Variants in EPSTI1 observed in about 807,000 individuals in gnomAD.
EPSTI1 encodes the protein epithelial-stromal interaction protein 1.
Under a neutral mutation model 49.9 loss-of-function variants are expected in EPSTI1, and 66 were observed. The ratio of observed to expected loss-of-function variants is 1.32; its 90% CI spans 1.08 to 1.62. EPSTI1 has a LOEUF of 1.62. EPSTI1 is among the 40% of genes most tolerant of loss of function. The probability of loss-of-function intolerance (pLI) is 0.00; values close to 1 mark genes in which losing one functional copy is unlikely to be tolerated. For synonymous variants in EPSTI1, 137 were observed against 130.7 expected (o/e 1.05, Z -0.33); for missense variants, 394 against 365.5 (o/e 1.08, Z -0.64).
At chr13:42,964,557 T>C (rs74061452) in intron 3 of EPSTI1, among the ~76,000 whole-genome samples, 2 of 152,304 alleles carry the variant, frequency 1.3e-5, no homozygotes, top group Middle Eastern at 3.4e-3. Flanking sequence ...ATTGCTTTTC[T>C]TCTTCTAACT....
At chr13:42,978,125 C>G (rs1171009087) in intron 1 of EPSTI1, among the ~76,000 whole-genome samples, 1 of 151,910 alleles carries the variant, frequency 6.6e-6, no homozygotes, top group Non-Finnish European at 1.5e-5. Flanking sequence ...TGCACTCCAG[C>G]CTGGGCCACA....
chr13:42,991,772 G>T (rs988348947), intron 1 of EPSTI1, among the ~76,000 whole-genome samples: 1 of 152,212 alleles, frequency 6.6e-6, no homozygotes, highest in Non-Finnish European at 1.5e-5. Flanking sequence ...AACCGGGCTG[G>T]TTATTTACCA....
intron 3 of EPSTI1, among the ~76,000 whole-genome samples, 183 bp downstream of exon 3, chr13:42,968,907 GAAAA>G (rs61506027): frequency 6.9e-5 from 8 of 115,144 alleles, no homozygotes; most frequent in African/African-American, 2.8e-4. Flanking sequence ...CAGAAAATCA[GAAAA>G]AAAAAAAAAT....
intron 2 of EPSTI1, chr13:42,969,905 T>C (rs2039725029): frequency 6.6e-6 from 1 of 152,268 alleles, no homozygotes; most frequent in Admixed American, 6.5e-5. Context: ...TAATCTCCTA[T>C]TAAGTATTTA....
intron 1 of EPSTI1, among the ~76,000 whole-genome samples, chr13:42,981,672 T>C (rs2153435691): frequency 6.6e-6 from 1 of 152,302 alleles, no homozygotes; most frequent in African/African-American, 2.4e-5. Context: ...CAAAATGTTT[T>C]TTTCTTTTCA....
At chr13:42,919,669 G>A (rs940361955) in intron 7 of EPSTI1, among the ~76,000 whole-genome samples, 1 of 152,196 alleles carries the variant, frequency 6.6e-6, no homozygotes, top group Non-Finnish European at 1.5e-5. Flanking sequence ...TAGGTGATAT[G>A]ATAGAGGAAG....
At chr13:42,925,217 A>G (rs1466336352) in intron 7 of EPSTI1, among the ~76,000 whole-genome samples, 1 of 152,104 alleles carries the variant, frequency 6.6e-6, no homozygotes, top group Non-Finnish European at 1.5e-5. Context: ...CTGCTTCTCT[A>G]TTCCTTTAGA....
At chr13:42,926,463 A>T (rs774077927) in intron 6 of EPSTI1, 34 bp from the exon 7 acceptor site, 1 of 1,130,650 alleles carries the variant, frequency 8.8e-7, no homozygotes. Flanking sequence ...TAGTGCCTTC[A>T]CAAAAATATG....
At chr13:42,985,639 C>T (rs564030234) in intron 1 of EPSTI1, among the ~76,000 whole-genome samples, 2 of 152,246 alleles carry the variant, frequency 1.3e-5, no homozygotes, top group South Asian at 4.1e-4. Context: ...GGGAGTCTTC[C>T]AGCAAAAGTT....
intron 8 of EPSTI1, among the ~76,000 whole-genome samples, chr13:42,915,885 T>A (rs2037815979): frequency 1.3e-5 from 2 of 151,890 alleles, no homozygotes; most frequent in Non-Finnish European, 1.5e-5. Context: ...GAAAATTAAA[T>A]CCCAGATCTA....
chr13:42,918,322 G>A (rs1356300143), intron 7 of EPSTI1, among the ~76,000 whole-genome samples: 1 of 152,156 alleles, frequency 6.6e-6, no homozygotes. Flanking sequence ...CATTTCAAGT[G>A]TTCTGTTTAT....
At chr13:42,933,276 TTCTC>T (rs144392415) in intron 6 of EPSTI1, among the ~76,000 whole-genome samples, 1,626 of 151,042 alleles carry the variant, frequency 0.011, 26 homozygotes, top group African/African-American at 0.037. Flanking sequence ...TTTTTGTATC[TTCTC>T]TCTAAGTTGG....
At chr13:42,893,116 A>C (rs1009571843) in intron 10 of EPSTI1, among the ~76,000 whole-genome samples, 6 of 152,214 alleles carry the variant, frequency 3.9e-5, no homozygotes, top group African/African-American at 1.4e-4. Context: ...TTTAAGAAAA[A>C]AATAAAGAAA....
intron 1 of EPSTI1, among the ~76,000 whole-genome samples, chr13:42,979,819 A>G (rs1054082102): frequency 2.6e-5 from 4 of 152,198 alleles, no homozygotes; most frequent in Non-Finnish European, 5.9e-5. Context: ...CTACTTAAAT[A>G]TAATACCATT....
intron 5 of EPSTI1, among the ~76,000 whole-genome samples, chr13:42,961,440 A>T (rs561519426): frequency 5.1e-4 from 78 of 152,200 alleles, no homozygotes; most frequent in African/African-American, 1.8e-3. Flanking sequence ...ACTGTGACAG[A>T]CTCTAGTCTA....
intron 1 of EPSTI1, among the ~76,000 whole-genome samples, chr13:42,980,310 C>T (rs2039964998): frequency 6.6e-6 from 1 of 152,064 alleles, no homozygotes; most frequent in African/African-American, 2.4e-5. Context: ...ATTCTATTGG[C>T]AATAGAAATC....
At chr13:42,973,596 CAG>C (rs2039814288) in intron 1 of EPSTI1, among the ~76,000 whole-genome samples, 1 of 152,196 alleles carries the variant, frequency 6.6e-6, no homozygotes, top group South Asian at 2.1e-4. Context: ...TATCATGTGT[CAG>C]AGTGTAATGC....
chr13:42,970,488 CA>C (rs2039738842), intron 2 of EPSTI1, 123 bp downstream of exon 2: 2 of 789,652 alleles, frequency 2.5e-6, no homozygotes, highest in Non-Finnish European at 3.8e-6. Flanking sequence ...CTAAAAAAAA[CA>C]AAAAACCTTG....
intron 6 of EPSTI1, among the ~76,000 whole-genome samples, chr13:42,951,855 A>C (rs2039107166): frequency 6.6e-6 from 1 of 152,124 alleles, no homozygotes; most frequent in South Asian, 2.1e-4. Context: ...CTCATTTGTG[A>C]CTCTAGGCTA....
Sources: allele counts gnomAD v4.1 joint callset (sites outside exome capture counted in the v4.1 genomes callset), GRCh38; gene constraint gnomAD v4.1.1; transcripts MANE v1.5; gene names NCBI Gene and HGNC (gene_info 2026-07-23, HGNC 2026-07-21).